SPAG16: variants seen among roughly 807,000 people sequenced by gnomAD.
The protein encoded by SPAG16 is sperm associated antigen 16, also known as sperm-associated antigen 16 protein.
SPAG16 carries 86 observed loss-of-function variants against 80.4 expected under a neutral mutation model. That is an observed-to-expected ratio of 1.07 (90% confidence interval 0.90 to 1.28). The LOEUF is 1.28. Among genes scored for constraint, SPAG16 ranks in the 50% most tolerant of loss-of-function variants. The pLI is 0.00. For synonymous variants in SPAG16, 294 were observed against 265.9 expected (o/e 1.11, Z -1.03); for missense variants, 870 against 765.3 (o/e 1.14, Z -1.61).
intron 13 of SPAG16, among the ~76,000 whole-genome samples, chr2:214,055,907 A>C (rs2049914339): frequency 6.6e-6 from 1 of 151,270 alleles, no homozygotes; most frequent in Non-Finnish European, 1.5e-5. Context: ...TTTAATAGAG[A>C]AAAAATCAAT....
chr2:214,371,305 G>A (rs1699797805), intron 15 of SPAG16, among the ~76,000 whole-genome samples: 1 of 152,040 alleles, frequency 6.6e-6, no homozygotes, highest in Non-Finnish European at 1.5e-5. Flanking sequence ...GGCCGAGGCG[G>A]GCAGATCACA....
At chr2:213,948,815 C>T (rs2079579299) in intron 12 of SPAG16, among the ~76,000 whole-genome samples, 2 of 152,124 alleles carry the variant, frequency 1.3e-5, no homozygotes, top group African/African-American at 4.8e-5. Context: ...TACACATATT[C>T]CTGTATATAT....
chr2:214,263,886 T>C (rs1194935554), intron 15 of SPAG16, among the ~76,000 whole-genome samples: 1 of 152,216 alleles, frequency 6.6e-6, no homozygotes, highest in East Asian at 1.9e-4. Context: ...TTAGCATATT[T>C]AGTTTATACA....
intron 15 of SPAG16, among the ~76,000 whole-genome samples, chr2:214,282,138 T>C (rs945430001): frequency 2.0e-5 from 3 of 152,208 alleles, no homozygotes; most frequent in East Asian, 1.9e-4. Flanking sequence ...TTGTACACTT[T>C]ATATGTGTAC....
At chr2:213,874,623 G>C (rs1215988573) in intron 11 of SPAG16, among the ~76,000 whole-genome samples, 1 of 152,116 alleles carries the variant, frequency 6.6e-6, no homozygotes, top group Non-Finnish European at 1.5e-5. Flanking sequence ...GTAATGTGTA[G>C]CCATATGGCA....
At chr2:213,301,029 G>A (rs555473736) in intron 3 of SPAG16, among the ~76,000 whole-genome samples, 101 of 151,978 alleles carry the variant, frequency 6.6e-4, no homozygotes, top group Non-Finnish European at 1.2e-3. Flanking sequence ...TTAGGTTGGT[G>A]CAAAAGTAAT....
chr2:213,368,856 A>G lies in SPAG16; in HGVS notation c.832+4711A>G, dbSNP rs545282579. On this transcript the variant is annotated intron_variant, in intron 8 of 15. Coordinates refer to ENST00000331683, the MANE Select transcript of SPAG16 (RefSeq NM_024532.5). Reference sequence around the variant, plus strand: ...AAATACCTAAGAATCCAACTTACAAAGGATGTGAAGGACGTCTTCAAGGAG... The same window carrying G: ...AAATACCTAAGAATCCAACTTACAAGGGATGTGAAGGACGTCTTCAAGGAG... 1.3e-4 allele frequency among the ~76,000 whole-genome samples: 20 copies of G among 152,268 alleles called. No individual in the cohort carries two copies. The South Asian group carries it at 2.9e-3, about 22-fold the overall frequency.
intron 15 of SPAG16, among the ~76,000 whole-genome samples, chr2:214,344,926 C>T (rs893205346): frequency 1.3e-5 from 2 of 152,116 alleles, no homozygotes; most frequent in African/African-American, 4.8e-5. Context: ...CCTTGTACCT[C>T]AGTTCAAATG....
chr2:213,728,244 G>A (rs987030162), intron 10 of SPAG16, among the ~76,000 whole-genome samples: 2 of 152,166 alleles, frequency 1.3e-5, no homozygotes, highest in African/African-American at 4.8e-5. Context: ...GAGGAATTCT[G>A]TTCCAAGTAG....
At chr2:214,371,767 G>A (rs186286063) in intron 15 of SPAG16, among the ~76,000 whole-genome samples, 43 of 148,150 alleles carry the variant, frequency 2.9e-4, no homozygotes, top group African/African-American at 7.2e-4. Context: ...TGCAACCTCC[G>A]CCTCCCGGGT....
At chr2:214,151,505 T>C (rs1204110066) in intron 15 of SPAG16, among the ~76,000 whole-genome samples, 1 of 152,142 alleles carries the variant, frequency 6.6e-6, no homozygotes, top group Non-Finnish European at 1.5e-5. Context: ...AAATAAAATC[T>C]AATTTAGTAA....
chr2:213,340,395 T>A, intron 6 of SPAG16, 125 bp downstream of exon 6: 1 of 690,948 alleles, frequency 1.4e-6, no homozygotes, highest in East Asian at 2.8e-5. Context: ...ATGAGTAAGT[T>A]GCGACCCTTG....
intron 10 of SPAG16, among the ~76,000 whole-genome samples, chr2:213,578,808 C>CA (rs1284419500): frequency 2.0e-5 from 3 of 151,860 alleles, no homozygotes; most frequent in Non-Finnish European, 4.4e-5. Flanking sequence ...ATTAAGGTAA[C>CA]AAATATCAGC....
intron 10 of SPAG16, among the ~76,000 whole-genome samples, chr2:213,665,760 T>C (rs1397455603): frequency 6.6e-6 from 1 of 152,170 alleles, no homozygotes; most frequent in Non-Finnish European, 1.5e-5. Flanking sequence ...TCACTATCAC[T>C]CATGCCTGAA....
At chr2:214,264,330 C>G (rs1372394092) in intron 15 of SPAG16, among the ~76,000 whole-genome samples, 1 of 152,152 alleles carries the variant, frequency 6.6e-6, no homozygotes, top group Non-Finnish European at 1.5e-5. Context: ...ATCTTTCACT[C>G]CTCTCTCCTC....
At chr2:213,949,152 A>C (rs535489092) in intron 12 of SPAG16, among the ~76,000 whole-genome samples, 2 of 123,666 alleles carry the variant, frequency 1.6e-5, no homozygotes, top group South Asian at 6.0e-4. Context: ...GAGCAGAGAC[A>C]CTACTTAATT....
chr2:213,872,262 A>G (rs1274503126), intron 11 of SPAG16, among the ~76,000 whole-genome samples: 2 of 152,150 alleles, frequency 1.3e-5, no homozygotes, highest in Admixed American at 1.3e-4. Context: ...CAGCTCTTAT[A>G]ACACCTTGAC....
chr2:213,964,831 C>T (rs1559636651), intron 12 of SPAG16, among the ~76,000 whole-genome samples: 2 of 152,178 alleles, frequency 1.3e-5, no homozygotes, highest in Admixed American at 6.5e-5. Context: ...ATTAATTCTT[C>T]TTCTATAACA....
At chr2:213,526,430 G>A (rs1439828309) in intron 10 of SPAG16, among the ~76,000 whole-genome samples, 2 of 152,102 alleles carry the variant, frequency 1.3e-5, no homozygotes, top group East Asian at 3.8e-4. Context: ...TTTGAAAGAT[G>A]TGTAAAACTT....
Sources: allele counts gnomAD v4.1 joint callset (sites outside exome capture counted in the v4.1 genomes callset), GRCh38; gene constraint gnomAD v4.1.1; transcripts MANE v1.5; gene names NCBI Gene and HGNC (gene_info 2026-07-23, HGNC 2026-07-21).